The following KCND2 variants were observed in gnomAD, a reference collection of about 807,000 sequenced individuals.
KCND2 encodes A-type voltage-gated potassium channel KCND2.
Under a neutral mutation model 54.4 loss-of-function variants are expected in KCND2, and 16 were observed. The ratio of observed to expected loss-of-function variants is 0.29; its 90% CI spans 0.20 to 0.45. The LOEUF is 0.45. Among genes scored for constraint, KCND2 ranks in the 20% least tolerant of loss-of-function variants. The pLI, the probability that KCND2 is intolerant of heterozygous loss-of-function variation, is 1.00. For missense variants in KCND2, 486 were observed against 824.2 expected (o/e 0.59, Z 5.02); for synonymous variants, 317 against 310.7 (o/e 1.02, Z -0.21).
At chr7:120,654,599 A>G (rs1057429988) in intron 1 of KCND2, among the ~76,000 whole-genome samples, 5 of 152,228 alleles carry the variant, frequency 3.3e-5, no homozygotes, top group Non-Finnish European at 7.4e-5. Flanking sequence ...GGACTGGGTT[A>G]TCAAACTATT....
chr7:120,534,146 A>G lies in KCND2; in HGVS notation c.1116-198757A>G, dbSNP rs114010281. ...AGTCTCACTTCTGCCCCTTGAATGT[A>G]GGCTGTGCTTGGTGAATCCCAAGAG... On this transcript the variant is annotated intron_variant, in intron 1 of 5. Coordinates refer to ENST00000331113, the MANE Select transcript of KCND2 (RefSeq NM_012281.3). Among the ~76,000 whole-genome samples, 1,130 of 152,246 alleles carry G rather than the reference A, an allele frequency of 7.4e-3. 12 individuals are homozygous for G. The highest frequency in any genetic ancestry group is 0.026 in the African/African-American group (1,083 of 41,568).
At chr7:120,738,533 A>T (rs1418349009) in intron 2 of KCND2, among the ~76,000 whole-genome samples, 1 of 152,064 alleles carries the variant, frequency 6.6e-6, no homozygotes, top group African/African-American at 2.4e-5. Context: ...CTTTTTTTAC[A>T]CTGAAAATGT....
intron 1 of KCND2, among the ~76,000 whole-genome samples, chr7:120,371,840 A>G (rs62470550): frequency 0.088 from 13,428 of 151,962 alleles, 673 homozygotes; most frequent in Admixed American, 0.13. Context: ...GTAGGCTACA[A>G]ACTCTATGTT....
intron 1 of KCND2, among the ~76,000 whole-genome samples, chr7:120,347,781 T>C (rs562625334): frequency 6.6e-6 from 1 of 152,078 alleles, no homozygotes; most frequent in Admixed American, 6.5e-5. Context: ...AGCTGCATTT[T>C]TCAGATAAAG....
At chr7:120,486,223 G>A (rs1802691273) in intron 1 of KCND2, among the ~76,000 whole-genome samples, 1 of 152,112 alleles carries the variant, frequency 6.6e-6, no homozygotes, top group South Asian at 2.1e-4. Flanking sequence ...TAAAACCAGG[G>A]AGGTCAAAGA....
At chr7:120,282,112 G>T (rs1316999360) in intron 1 of KCND2, among the ~76,000 whole-genome samples, 1 of 152,050 alleles carries the variant, frequency 6.6e-6, no homozygotes, top group African/African-American at 2.4e-5. Context: ...GAAGCATATG[G>T]AGATGCTTCA....
At position 120,744,373 on chromosome 7, in the gene KCND2, T is replaced by G. The variant is rs566071045; in HGVS notation, c.1468-1407T>G. 3.9e-5 allele frequency among the ~76,000 whole-genome samples: 6 copies of G among 152,176 alleles called. No homozygotes were observed. The East Asian group carries it at 1.2e-3, about 29-fold the overall frequency. On this transcript the variant is annotated intron_variant, in intron 4 of 5. Coordinates refer to ENST00000331113, the MANE Select transcript of KCND2 (RefSeq NM_012281.3). Reference sequence around the variant, plus strand: ...CAAAAATCACTAACACCAACTAATATAAATTATGCTACCTACAAAAGTATG... The same window carrying G: ...CAAAAATCACTAACACCAACTAATAGAAATTATGCTACCTACAAAAGTATG...
rs183609100 is a variant in KCND2, at chr7:120,743,289, C to A, written c.1467+687C>A. On this transcript the variant is annotated intron_variant, in intron 4 of 5. Coordinates refer to ENST00000331113, the MANE Select transcript of KCND2 (RefSeq NM_012281.3). ...CTTCACCATATTTGGATCATGTCAG[C>A]TCACTCACTCTCGGGTGACACATGA... Among the ~76,000 whole-genome samples, 230 of 152,258 alleles carry A rather than the reference C, an allele frequency of 1.5e-3. 2 individuals carry two copies. The highest frequency in any genetic ancestry group is 5.2e-3 in the African/African-American group (216 of 41,568).
intron 1 of KCND2, among the ~76,000 whole-genome samples, chr7:120,363,975 C>T (rs1040493626): frequency 2.6e-5 from 4 of 152,106 alleles, no homozygotes; most frequent in African/African-American, 9.7e-5. Context: ...ACTCACTTGG[C>T]TTAATCTCAT....
At chr7:120,742,969 C>G (rs186450034) in intron 4 of KCND2, among the ~76,000 whole-genome samples, 1 of 152,088 alleles carries the variant, frequency 6.6e-6, no homozygotes, top group African/African-American at 2.4e-5. Context: ...GCTCGAGGGT[C>G]CCTAGCATCT....
At chr7:120,679,264 A>G (rs1351292553) in intron 1 of KCND2, among the ~76,000 whole-genome samples, 1 of 151,794 alleles carries the variant, frequency 6.6e-6, no homozygotes, top group Non-Finnish European at 1.5e-5. Context: ...CTGCTTCTAT[A>G]TGCTATTTCC....
rs117040860 is a variant in KCND2, at chr7:120,561,284, A to G, written c.1116-171619A>G. On this transcript the variant is annotated intron_variant, in intron 1 of 5. Coordinates refer to ENST00000331113, the MANE Select transcript of KCND2 (RefSeq NM_012281.3). Reference sequence around the variant, plus strand: ...TGGACAGCAGGAAAAGTAAAGACAGATGACAGGAGAGATGAGTAGAAAATA... The same window carrying G: ...TGGACAGCAGGAAAAGTAAAGACAGGTGACAGGAGAGATGAGTAGAAAATA... Among the ~76,000 whole-genome samples the G allele has an allele frequency of 7.5e-4, 115 of 152,348 alleles. 3 individuals carry two copies. In the East Asian group the frequency reaches 0.014, roughly 18 times the overall value.
At chr7:120,524,258 T>C (rs779768704) in intron 1 of KCND2, among the ~76,000 whole-genome samples, 15 of 150,888 alleles carry the variant, frequency 9.9e-5, no homozygotes, top group Non-Finnish European at 1.9e-4. Context: ...AAAGCCAAAA[T>C]TGAGGAGAAC....
intron 1 of KCND2, among the ~76,000 whole-genome samples, chr7:120,683,228 G>A (rs1301123425): frequency 6.6e-6 from 1 of 152,062 alleles, no homozygotes; most frequent in Admixed American, 6.6e-5. Context: ...GAAATCCTAT[G>A]GTTTTTTTAT....
At chr7:120,339,530 T>C (rs868599805) in intron 1 of KCND2, among the ~76,000 whole-genome samples, 1 of 150,440 alleles carries the variant, frequency 6.6e-6, no homozygotes, top group East Asian at 2.0e-4. Flanking sequence ...TGTGTGTGTG[T>C]GTGTGTGTGT....
intron 1 of KCND2, among the ~76,000 whole-genome samples, chr7:120,391,998 A>G (rs1801087050): frequency 6.6e-6 from 1 of 151,494 alleles, no homozygotes; most frequent in African/African-American, 2.4e-5. Context: ...GCCCGTGCGT[A>G]TCCTGAATGA....
chr7:120,310,535 G>A (rs1047923259), intron 1 of KCND2, among the ~76,000 whole-genome samples: 4 of 152,124 alleles, frequency 2.6e-5, no homozygotes, highest in African/African-American at 9.7e-5. Flanking sequence ...GATTGAGTCT[G>A]TTTCTGTGCC....
At chr7:120,381,951 A>T (rs558398655) in intron 1 of KCND2, among the ~76,000 whole-genome samples, 103 of 150,868 alleles carry the variant, frequency 6.8e-4, no homozygotes, top group African/African-American at 2.1e-3. Flanking sequence ...CAAATCCGTC[A>T]TTTTTGTATT....
intron 1 of KCND2, among the ~76,000 whole-genome samples, chr7:120,396,338 T>A (rs1317438706): frequency 2.0e-5 from 3 of 151,998 alleles, no homozygotes; most frequent in Non-Finnish European, 2.9e-5. Flanking sequence ...CAGCTTAGAG[T>A]TTCCTGATTT....
Sources: allele counts gnomAD v4.1 joint callset (sites outside exome capture counted in the v4.1 genomes callset), GRCh38; gene constraint gnomAD v4.1.1; transcripts MANE v1.5; gene names NCBI Gene and HGNC (gene_info 2026-07-23, HGNC 2026-07-21).